The following ANKRD6 variants were observed in gnomAD, a reference collection of about 807,000 sequenced individuals.
ANKRD6 encodes the protein ankyrin repeat domain 6.
In ANKRD6, 56 loss-of-function variants were observed where a neutral mutation model predicts 82.3. The observed-to-expected ratio is 0.68, with a 90% confidence interval of 0.55 to 0.85. The LOEUF is 0.85. ANKRD6 is among the 40% of genes least tolerant of loss of function. ANKRD6 has a pLI of 0.00. For synonymous variants in ANKRD6, 347 were observed against 352.1 expected (o/e 0.99, Z 0.16); for missense variants, 852 against 907.6 (o/e 0.94, Z 0.79).
intron 1 of ANKRD6, among the ~76,000 whole-genome samples, chr6:89,550,992 A>C (rs1332911794): frequency 6.6e-6 from 1 of 152,230 alleles, no homozygotes; most frequent in Non-Finnish European, 1.5e-5. Flanking sequence ...ATATGTATAC[A>C]CACATACATA....
chr6:89,477,178 T>C (rs1364143165), intron 1 of ANKRD6, among the ~76,000 whole-genome samples: 1 of 152,102 alleles, frequency 6.6e-6, no homozygotes, highest in Non-Finnish European at 1.5e-5. Flanking sequence ...TCTCCTGACC[T>C]CGTGATCCAC....
At chr6:89,595,071 G>C (rs1245862252) in intron 2 of ANKRD6, among the ~76,000 whole-genome samples, 1 of 152,016 alleles carries the variant, frequency 6.6e-6, no homozygotes, top group African/African-American at 2.4e-5. Flanking sequence ...TTTTTAAAAA[G>C]AGGAAGAACC....
intron 7 of ANKRD6, among the ~76,000 whole-genome samples, chr6:89,614,132 A>G (rs566322909): frequency 1.6e-4 from 25 of 152,286 alleles, no homozygotes; most frequent in African/African-American, 5.1e-4. Context: ...TGCATATTGA[A>G]CATTTTCTGG....
At chr6:89,583,581 T>A (rs967110664) in intron 2 of ANKRD6, among the ~76,000 whole-genome samples, 8 of 152,020 alleles carry the variant, frequency 5.3e-5, no homozygotes, top group African/African-American at 1.9e-4. Context: ...ATGGAAGAAT[T>A]GGTATGGCAG....
At chr6:89,471,087 T>C (rs377055791) in intron 1 of ANKRD6, among the ~76,000 whole-genome samples, 2 of 152,104 alleles carry the variant, frequency 1.3e-5, no homozygotes, top group Non-Finnish European at 2.9e-5. Context: ...TCAATTAGAC[T>C]GAAGTCTTCT....
chr6:89,599,955 C>T (rs968039656), intron 3 of ANKRD6, among the ~76,000 whole-genome samples: 20 of 151,988 alleles, frequency 1.3e-4, no homozygotes, highest in African/African-American at 4.6e-4. Flanking sequence ...TCTGAGAGGA[C>T]GGCTGGAGGG....
intron 1 of ANKRD6, among the ~76,000 whole-genome samples, chr6:89,477,951 C>T (rs1412460444): frequency 1.3e-5 from 2 of 152,068 alleles, no homozygotes; most frequent in Non-Finnish European, 2.9e-5. Flanking sequence ...TAAATATGCA[C>T]ATTTTCTGAT....
intron 3 of ANKRD6, 59 bp from the exon 4 acceptor site, chr6:89,602,970 G>A: frequency 2.8e-6 from 4 of 1,414,382 alleles, no homozygotes; most frequent in Non-Finnish European, 3.9e-6. Flanking sequence ...CAAGTGAGTA[G>A]TGCAAGCAGG....
rs144873626 is a variant in ANKRD6, at chr6:89,586,924, C to T, written c.121-8992C>T. Among the ~76,000 whole-genome samples, 1,000 of 152,188 alleles carry T rather than the reference C, an allele frequency of 6.6e-3. 4 individuals are homozygous for T. The highest frequency in any genetic ancestry group is 0.011 in the Non-Finnish European group (736 of 68,000). ...GAATTCTTGGCCGGGCACAGTGGCTCATGGTTAAAATCCTAGCACTTTGGG... is the reference window on the plus strand; with the variant it reads ...GAATTCTTGGCCGGGCACAGTGGCTTATGGTTAAAATCCTAGCACTTTGGG... On this transcript the variant is annotated intron_variant, in intron 2 of 15. Coordinates refer to ENST00000339746, the MANE Select transcript of ANKRD6 (RefSeq NM_001242809.2).
intron 1 of ANKRD6, among the ~76,000 whole-genome samples, chr6:89,557,275 GA>G: frequency 6.6e-6 from 1 of 152,282 alleles, no homozygotes; most frequent in Non-Finnish European, 1.5e-5. Flanking sequence ...CTAGGCAGCA[GA>G]GGAGCATGTG....
At chr6:89,521,030 A>T (rs923621923) in intron 1 of ANKRD6, among the ~76,000 whole-genome samples, 6 of 152,226 alleles carry the variant, frequency 3.9e-5, no homozygotes, top group Non-Finnish European at 8.8e-5. Context: ...CTTATTTTAA[A>T]ATGGAATTTT....
chr6:89,496,163 T>C (rs922611345), intron 1 of ANKRD6, among the ~76,000 whole-genome samples: 3 of 151,634 alleles, frequency 2.0e-5, no homozygotes, highest in Admixed American at 2.0e-4. Context: ...ATTAGCAAGC[T>C]TTTTTCCACA....
chr6:89,550,966 TA>T (rs1202883211), intron 1 of ANKRD6, among the ~76,000 whole-genome samples: 1 of 151,902 alleles, frequency 6.6e-6, no homozygotes, highest in African/African-American at 2.4e-5. Flanking sequence ...ACAGCAAAAA[TA>T]AAAAGAATGA....
At chr6:89,598,147 A>G (rs1427286095) in intron 3 of ANKRD6, 11 of 985,344 alleles carry the variant, frequency 1.1e-5, no homozygotes, top group Non-Finnish European at 1.1e-5. Context: ...AATGACCTCC[A>G]GTGGCCTGGA....
chr6:89,593,059 G>A (rs753268038), intron 2 of ANKRD6, among the ~76,000 whole-genome samples: 1 of 152,218 alleles, frequency 6.6e-6, no homozygotes, highest in Admixed American at 6.5e-5. Context: ...GGGTGACAAA[G>A]TGAGACTCCA....
intron 14 of ANKRD6, 189 bp from the exon 15 acceptor site, chr6:89,628,923 A>G (rs976687211): frequency 8.2e-6 from 5 of 607,360 alleles, no homozygotes; most frequent in African/African-American, 3.7e-5. Context: ...AAATTTCAAC[A>G]TGAGATTTGG....
At position 89,438,921 on chromosome 6, in the gene ANKRD6, G is replaced by A. The variant is rs895453297; in HGVS notation, c.-144+5546G>A. Among the ~76,000 whole-genome samples, 3 of 152,156 alleles carry A rather than the reference G, an allele frequency of 2.0e-5. No individual in the cohort carries two copies. The East Asian group carries it at 5.8e-4, about 29-fold the overall frequency. The stretch of plus-strand genomic sequence containing the variant: ...GCCTCCTAAAGTGCTGGGATTACAG[G>A]TGTGAGCCACTGCACCTGGCCTATT... On this transcript the variant is annotated intron_variant, in intron 1 of 15. Coordinates refer to ENST00000339746, the MANE Select transcript of ANKRD6 (RefSeq NM_001242809.2).
At chr6:89,549,916 AAAAAAGAAAAG>A (rs1234372290) in intron 1 of ANKRD6, among the ~76,000 whole-genome samples, 12 of 139,748 alleles carry the variant, frequency 8.6e-5, no homozygotes, top group South Asian at 2.3e-4. Context: ...GTCTCTTTAA[AAAAAAGAAAAG>A]AAAAAAAAAG....
At chr6:89,626,864 A>G (rs1805852783) in intron 13 of ANKRD6, among the ~76,000 whole-genome samples, 1 of 152,202 alleles carries the variant, frequency 6.6e-6, no homozygotes, top group African/African-American at 2.4e-5. Flanking sequence ...CACTCTTCTT[A>G]CGTACTTTAG....
Sources: gnomAD v4.1 joint callset for allele counts (sites outside exome capture counted in the v4.1 genomes callset) on GRCh38, gnomAD v4.1.1 for gene constraint, MANE v1.5 for transcripts, NCBI Gene and HGNC (gene_info 2026-07-23, HGNC 2026-07-21) for gene names.